The following NRG1 variants were observed in gnomAD, a reference collection of about 807,000 sequenced individuals.
NRG1 encodes the protein neuregulin 1.
NRG1 carries 18 observed loss-of-function variants against 63.8 expected under a neutral mutation model. The observed-to-expected ratio is 0.28, with a 90% CI of 0.19 to 0.42. NRG1 has a LOEUF of 0.42. Among genes scored for constraint, NRG1 ranks in the 10% least tolerant of loss-of-function variants. The pLI is 1.00. For missense variants in NRG1, 762 were observed against 814.7 expected (o/e 0.94, Z 0.79); for synonymous variants, 302 against 301.3 (o/e 1.00, Z -0.02).
At chr8:32,221,960 C>T (rs1376788523) in intron 1 of NRG1, among the ~76,000 whole-genome samples, 1 of 151,878 alleles carries the variant, frequency 6.6e-6, no homozygotes, top group Non-Finnish European at 1.5e-5. Context: ...GTTACCAAAA[C>T]AGTTTGCTCT....
chr8:32,688,724 C>T (rs1462604456), intron 5 of NRG1, among the ~76,000 whole-genome samples: 1 of 152,068 alleles, frequency 6.6e-6, no homozygotes, highest in Non-Finnish European at 1.5e-5. Context: ...TCAACAATTA[C>T]TTAAATAACA....
intron 1 of NRG1, among the ~76,000 whole-genome samples, chr8:32,177,486 TTAAAA>T (rs762116818): frequency 2.6e-5 from 4 of 151,824 alleles, no homozygotes; most frequent in Non-Finnish European, 4.4e-5. Flanking sequence ...AATAAAAAAA[TTAAAA>T]TATAAAAGAC....
intron 1 of NRG1, among the ~76,000 whole-genome samples, chr8:31,811,939 A>G (rs1279521368): frequency 1.3e-5 from 2 of 152,158 alleles, no homozygotes; most frequent in Non-Finnish European, 2.9e-5. Flanking sequence ...TCATATATCT[A>G]TATCCCTACA....
chr8:32,388,220 G>T (rs1158498272), intron 1 of NRG1, among the ~76,000 whole-genome samples: 1 of 152,120 alleles, frequency 6.6e-6, no homozygotes, highest in Non-Finnish European at 1.5e-5. Flanking sequence ...TAAGGGTTGT[G>T]AACTTTACAT....
At chr8:32,434,065 A>T (rs1346829811) in intron 1 of NRG1, among the ~76,000 whole-genome samples, 1 of 152,100 alleles carries the variant, frequency 6.6e-6, no homozygotes, top group Non-Finnish European at 1.5e-5. Flanking sequence ...ACGTGCCTGT[A>T]ATCCCAGCTA....
In NRG1 at chr8:32,605,236, C is replaced by T. The variant is rs536016940; in HGVS notation, c.279-326C>T. 1.5e-4 allele frequency among the ~76,000 whole-genome samples: 23 copies of T among 152,042 alleles called. No individual in the cohort carries two copies. In the Middle Eastern group the frequency reaches 0.014, roughly 90 times the overall value. On this transcript the variant is annotated intron_variant, in intron 2 of 11. Coordinates refer to ENST00000356819, the Ensembl canonical transcript of NRG1. Reference sequence around the variant, plus strand: ...GATATAGAAAAGTAAGAAAATTTACCAATTGGGTTTAAAAATCTAAAGTAT... The same window carrying T: ...GATATAGAAAAGTAAGAAAATTTACTAATTGGGTTTAAAAATCTAAAGTAT...
intron 1 of NRG1, among the ~76,000 whole-genome samples, chr8:31,728,180 T>G (rs1393869091): frequency 1.3e-5 from 2 of 152,088 alleles, no homozygotes; most frequent in Non-Finnish European, 2.9e-5. Flanking sequence ...AGAAAATATT[T>G]GGGCTGGGCA....
chr8:32,097,776 G>C (rs1830073012), intron 1 of NRG1, among the ~76,000 whole-genome samples: 1 of 152,148 alleles, frequency 6.6e-6, no homozygotes, highest in Admixed American at 6.6e-5. Flanking sequence ...CTGAATAAAT[G>C]GGGGTAAGAC....
At position 31,861,736 on chromosome 8, in the gene NRG1, C is replaced by CT. The variant is rs371540299; in HGVS notation, c.37+222311dup. On this transcript the variant is annotated intron_variant, in intron 1 of 10. Transcript: ENST00000519301. ...TCTTCTTCCCCTTGATAGGCAAAGG[C>CT]TTTTTTCCAAATCATCTTTGTAAGA... Among the ~76,000 whole-genome samples the CT allele has an allele frequency of 2.7e-3, 409 of 152,268 alleles. 4 individuals carry two copies. The highest frequency in any genetic ancestry group is 9.3e-3 in the African/African-American group (388 of 41,564).
intron 7 of NRG1, chr8:32,743,071 T>C: frequency 9.1e-7 from 1 of 1,093,202 alleles, no homozygotes; most frequent in Non-Finnish European, 1.1e-6. Context: ...ATTGATAAAA[T>C]AAAAATCATT....
chr8:32,351,690 C>G (rs905954357), intron 1 of NRG1, among the ~76,000 whole-genome samples: 14 of 152,250 alleles, frequency 9.2e-5, no homozygotes, highest in Middle Eastern at 3.4e-3. Flanking sequence ...TCATATGTAC[C>G]AGAAAACCTC....
chr8:32,501,827 C>T (rs956753138), intron 1 of NRG1, among the ~76,000 whole-genome samples: 3 of 152,146 alleles, frequency 2.0e-5, no homozygotes, highest in African/African-American at 4.8e-5. Flanking sequence ...ATTTCATAAT[C>T]TCTTACCAAG....
Position 32,742,208 on chromosome 8 carries a change from C to T in NRG1, c.633-467C>T, listed in dbSNP as rs1465847279. On this transcript the variant is annotated intron_variant, in intron 6 of 11. Transcript: ENST00000356819. The surrounding 1 kb of genome is among the most constrained non-coding windows in gnomAD (Gnocchi z 4.2). ...ATGGCTTAACCTCTCAAGGCATAAA[C>T]CCATTCAGTGTTACCTTATTTAACT... 3 of 733,746 alleles carry T rather than the reference C, an allele frequency of 4.1e-6. No homozygotes were observed. Among genetic ancestry groups the T allele is most frequent in the Admixed American group, 2.2e-5 (1 of 45,024 alleles). 45.5% of individuals were successfully genotyped at this position (733,746 alleles called of 1,614,324 possible). A position where few individuals can be genotyped will look rare whatever the true frequency, so the allele number is the denominator to read the frequency against.
intron 1 of NRG1, among the ~76,000 whole-genome samples, chr8:32,069,453 T>G (rs1825412942): frequency 1.3e-5 from 2 of 152,330 alleles, no homozygotes; most frequent in Non-Finnish European, 2.9e-5. Context: ...CAGAAAATGC[T>G]TATACTTTGA....
intron 1 of NRG1, among the ~76,000 whole-genome samples, chr8:32,171,691 G>C (rs1840061246): frequency 6.6e-6 from 1 of 152,168 alleles, no homozygotes; most frequent in South Asian, 2.1e-4. Flanking sequence ...GGCACACCAG[G>C]AGATTATATC....
At chr8:31,879,863 T>A (rs1460253554) in intron 1 of NRG1, among the ~76,000 whole-genome samples, 1 of 152,228 alleles carries the variant, frequency 6.6e-6, no homozygotes, top group East Asian at 1.9e-4. Flanking sequence ...TCCAGCTCCA[T>A]CCATATTCCC....
intron 5 of NRG1, among the ~76,000 whole-genome samples, chr8:32,720,353 A>G (rs1820310977): frequency 1.3e-5 from 2 of 152,144 alleles, no homozygotes; most frequent in Admixed American, 1.3e-4. Context: ...TGTGCCTTCC[A>G]CATTTAGCCT....
rs530330828 is a variant in NRG1 at position 31,746,551 on chromosome 8, T to C, written c.37+107120T>C. On this transcript the variant is annotated intron_variant, in intron 1 of 10. Coordinates refer to the NRG1 transcript ENST00000519301. ...ATATTACAAATACTTTATCTTGCTC[T>C]ACAGGTAGGCCCGATACAAGAAGTG... Among the ~76,000 whole-genome samples the C allele has an allele frequency of 1.7e-3, 259 of 152,118 alleles. 3 individuals are homozygous for C. The highest frequency in any genetic ancestry group is 5.8e-3 in the African/African-American group (243 of 41,550).
In NRG1 at chr8:32,294,987, G is replaced by A. The variant is rs184680483; in HGVS notation, c.38-300841G>A. 7.2e-4 allele frequency among the ~76,000 whole-genome samples: 110 copies of A among 152,192 alleles called. 2 individuals carry two copies. The East Asian group carries it at 0.016, about 22-fold the overall frequency. ...CTTATAAAAACTCTAGCAATTCTGA[G>A]AGAAATGGATTATTTACAATCCTCT... On this transcript the variant is annotated intron_variant, in intron 1 of 10. Transcript: ENST00000519301.
Sources: gnomAD v4.1 joint callset for allele counts (sites outside exome capture counted in the v4.1 genomes callset) on GRCh38, gnomAD v4.1.1 for gene constraint, Gnocchi (gnomAD v3.1) non-coding constraint, MANE v1.5 for transcripts, NCBI Gene and HGNC (gene_info 2026-07-23, HGNC 2026-07-21) for gene names.